CADM1: variants seen among roughly 807,000 people sequenced by gnomAD.
CADM1 encodes the protein cell adhesion molecule 1.
In CADM1, 15 loss-of-function variants were observed where a neutral mutation model predicts 53.1. The observed-to-expected ratio is 0.28, with a 90% confidence interval of 0.19 to 0.44. The LOEUF (loss-of-function observed/expected upper bound fraction) is 0.44. Among genes scored for constraint, CADM1 ranks in the 20% least tolerant of loss-of-function variants. The pLI is 1.00. For synonymous variants in CADM1, 281 were observed against 243.0 expected (o/e 1.16, Z -1.45); for missense variants, 434 against 611.3 (o/e 0.71, Z 3.06).
At chr11:115,246,858 ATATTT>A (rs979625755) in intron 1 of CADM1, among the ~76,000 whole-genome samples, 32 of 152,174 alleles carry the variant, frequency 2.1e-4, no homozygotes, top group African/African-American at 6.5e-4. Context: ...AAAAGGAAAA[ATATTT>A]TATTTAATTT....
At chr11:115,293,063 A>G (rs540262168) in intron 1 of CADM1, among the ~76,000 whole-genome samples, 1 of 152,302 alleles carries the variant, frequency 6.6e-6, no homozygotes, top group African/African-American at 2.4e-5. Context: ...CCATCATTTA[A>G]ACTACTGTGA....
intron 1 of CADM1, among the ~76,000 whole-genome samples, chr11:115,332,710 C>T (rs532757183): frequency 2.0e-5 from 3 of 152,164 alleles, no homozygotes; most frequent in African/African-American, 7.2e-5. Context: ...TTGCTTGACG[C>T]CTCCACTGAG....
At chr11:115,430,711 A>G (rs987369369) in intron 1 of CADM1, among the ~76,000 whole-genome samples, 3 of 152,202 alleles carry the variant, frequency 2.0e-5, no homozygotes, top group African/African-American at 7.2e-5. Flanking sequence ...TTAAAAATGA[A>G]TGCCGCAGGA....
intron 1 of CADM1, among the ~76,000 whole-genome samples, chr11:115,265,179 T>A (rs1943100542): frequency 6.6e-6 from 1 of 152,240 alleles, no homozygotes; most frequent in African/African-American, 2.4e-5. Flanking sequence ...TCTGCCTGCC[T>A]GTTTTTAAAA....
chr11:115,406,358 A>G (rs1947311864), intron 1 of CADM1, among the ~76,000 whole-genome samples: 1 of 151,912 alleles, frequency 6.6e-6, no homozygotes, highest in Admixed American at 6.6e-5. Flanking sequence ...TTGATTTTTA[A>G]AACAAAACAA....
chr11:115,497,668 G>T (rs1039663371), intron 1 of CADM1, among the ~76,000 whole-genome samples: 2 of 152,178 alleles, frequency 1.3e-5, no homozygotes, highest in Non-Finnish European at 2.9e-5. Flanking sequence ...ACAAGGAGGT[G>T]CCACTTGTAA....
rs770626792 is a variant in CADM1 at position 115,176,454 on chromosome 11, A to C, written c.*20T>G. The C allele has an allele frequency of 7.4e-6, 12 of 1,613,354 alleles. No individual in the cohort carries two copies. Among genetic ancestry groups the C allele is most frequent in the Non-Finnish European group, 1.0e-5 (12 of 1,179,542 alleles). On this transcript the variant is annotated 3_prime_UTR_variant, in exon 12 of 12. Transcript: ENST00000331581. Reference sequence around the variant, plus strand: ...CTAAATAGGGCCAGTTGGACACCTCATTGAAACAAAAAGGCTGATCTAGAT... The same window carrying C: ...CTAAATAGGGCCAGTTGGACACCTCCTTGAAACAAAAAGGCTGATCTAGAT...
At chr11:115,443,983 A>T (rs1948389964) in intron 1 of CADM1, among the ~76,000 whole-genome samples, 1 of 152,210 alleles carries the variant, frequency 6.6e-6, no homozygotes, top group African/African-American at 2.4e-5. Context: ...CTATATTTCT[A>T]ATAAATCACA....
chr11:115,452,037 C>T (rs1183600900), intron 1 of CADM1, among the ~76,000 whole-genome samples: 1 of 151,922 alleles, frequency 6.6e-6, no homozygotes, highest in Admixed American at 6.6e-5. Flanking sequence ...TATGGATTAA[C>T]TTACAAGATA....
intron 1 of CADM1, among the ~76,000 whole-genome samples, chr11:115,488,014 G>C (rs966001775): frequency 7.3e-6 from 1 of 136,194 alleles, no homozygotes; most frequent in East Asian, 2.2e-4. Context: ...AACTTAAAAG[G>C]TCCTTTAAAA....
At chr11:115,480,370 C>T (rs1949232139) in intron 1 of CADM1, among the ~76,000 whole-genome samples, 2 of 152,010 alleles carry the variant, frequency 1.3e-5, no homozygotes, top group African/African-American at 2.4e-5. Context: ...CAAAGAAAAC[C>T]CTGAGCTGCA....
intron 1 of CADM1, among the ~76,000 whole-genome samples, chr11:115,392,003 A>G (rs1384666894): frequency 6.6e-6 from 1 of 152,170 alleles, no homozygotes; most frequent in Admixed American, 6.5e-5. Context: ...CAATATCACC[A>G]CAAAGAACAA....
chr11:115,294,138 A>G (rs1174790944), intron 1 of CADM1, among the ~76,000 whole-genome samples: 4 of 152,172 alleles, frequency 2.6e-5, no homozygotes, highest in African/African-American at 7.2e-5. Flanking sequence ...TGGCCAGGAA[A>G]CATGATCAGG....
chr11:115,326,234 G>T (rs530474853), intron 1 of CADM1, among the ~76,000 whole-genome samples: 2 of 152,180 alleles, frequency 1.3e-5, no homozygotes. Context: ...TGCTTTTAAA[G>T]AAATCATTAT....
intron 1 of CADM1, among the ~76,000 whole-genome samples, chr11:115,324,704 G>A (rs367814180): frequency 1.3e-5 from 2 of 152,302 alleles, no homozygotes; most frequent in African/African-American, 4.8e-5. Context: ...GATGAGGAAT[G>A]ACCAATGGAA....
chr11:115,382,860 A>C (rs1360776295), intron 1 of CADM1, among the ~76,000 whole-genome samples: 1 of 152,230 alleles, frequency 6.6e-6, no homozygotes, highest in Non-Finnish European at 1.5e-5. Flanking sequence ...GACAAGAATA[A>C]GCTGAATTTG....
chr11:115,433,266 A>C (rs1472648522), intron 1 of CADM1, among the ~76,000 whole-genome samples: 1 of 152,216 alleles, frequency 6.6e-6, no homozygotes, highest in African/African-American at 2.4e-5. Flanking sequence ...TGGTATAGAC[A>C]CATACAAAAT....
At chr11:115,320,116 T>C (rs1944782253) in intron 1 of CADM1, among the ~76,000 whole-genome samples, 2 of 152,126 alleles carry the variant, frequency 1.3e-5, no homozygotes, top group African/African-American at 4.8e-5. Flanking sequence ...CAGGCCGGAG[T>C]GCAGTAGTGC....
At chr11:115,457,156 A>T (rs1003034072) in intron 1 of CADM1, among the ~76,000 whole-genome samples, 32 of 152,180 alleles carry the variant, frequency 2.1e-4, no homozygotes, top group Non-Finnish European at 4.6e-4. Context: ...GAGAAAACTG[A>T]TCCTCAGAAA....
Sources: allele counts gnomAD v4.1 joint callset (sites outside exome capture counted in the v4.1 genomes callset), GRCh38; gene constraint gnomAD v4.1.1; transcripts MANE v1.5; gene names NCBI Gene and HGNC (gene_info 2026-07-23, HGNC 2026-07-21).